The following ATRNL1 variants were observed in gnomAD, a reference collection of about 807,000 sequenced individuals.
ATRNL1 encodes the protein attractin-like protein 1.
In ATRNL1, 95 loss-of-function variants were observed where a neutral mutation model predicts 182.7. The observed-to-expected ratio is 0.52, with a 90% CI of 0.44 to 0.62. ATRNL1 has a LOEUF of 0.62. ATRNL1 is among the 20% of genes least tolerant of loss of function. ATRNL1 has a pLI of 0.00. For missense variants in ATRNL1, 1,471 were observed against 1,679.5 expected (o/e 0.88, Z 2.17); for synonymous variants, 576 against 568.3 (o/e 1.01, Z -0.19).
At chr10:115,297,692 G>A (rs1853272668) in intron 15 of ATRNL1, among the ~76,000 whole-genome samples, 1 of 149,004 alleles carries the variant, frequency 6.7e-6, no homozygotes, top group Non-Finnish European at 1.5e-5. Context: ...CAATGAACAT[G>A]TGAAAATTAG....
intron 27 of ATRNL1, among the ~76,000 whole-genome samples, chr10:115,735,627 A>C (rs1051567204): frequency 1.3e-5 from 2 of 152,230 alleles, no homozygotes; most frequent in Non-Finnish European, 2.9e-5. Context: ...CCATTATTAA[A>C]TAAAATAAGG....
chr10:115,617,252 G>T (rs1315658798), intron 26 of ATRNL1, among the ~76,000 whole-genome samples: 1 of 152,214 alleles, frequency 6.6e-6, no homozygotes. Context: ...AGACTTGCAT[G>T]GGGCCTGTAA....
intron 26 of ATRNL1, among the ~76,000 whole-genome samples, chr10:115,651,525 A>C (rs1319151554): frequency 2.0e-5 from 3 of 152,100 alleles, no homozygotes; most frequent in Non-Finnish European, 4.4e-5. Context: ...TTTAATCACG[A>C]TGTATCTATA....
At chr10:115,601,638 A>G (rs896079132) in intron 26 of ATRNL1, among the ~76,000 whole-genome samples, 1 of 152,188 alleles carries the variant, frequency 6.6e-6, no homozygotes, top group Non-Finnish European at 1.5e-5. Context: ...TATTCGTAGT[A>G]TTAACTCATG....
chr10:115,501,493 C>T (rs776575907), intron 24 of ATRNL1, among the ~76,000 whole-genome samples: 9 of 152,094 alleles, frequency 5.9e-5, no homozygotes, highest in Non-Finnish European at 1.2e-4. Flanking sequence ...TACATCATTC[C>T]TGTTAATGCT....
chr10:115,360,097 A>G (rs1856670226), intron 19 of ATRNL1, among the ~76,000 whole-genome samples: 1 of 151,652 alleles, frequency 6.6e-6, no homozygotes, highest in South Asian at 2.1e-4. Flanking sequence ...TTTTCTTGAC[A>G]AATGGAATAA....
At chr10:115,386,191 G>T (rs956831481) in intron 19 of ATRNL1, among the ~76,000 whole-genome samples, 3 of 151,936 alleles carry the variant, frequency 2.0e-5, no homozygotes, top group Non-Finnish European at 4.4e-5. Context: ...CATGTGCATG[G>T]CATATCTATT....
intron 28 of ATRNL1, among the ~76,000 whole-genome samples, chr10:115,939,027 G>T (rs113398653): frequency 5.7e-4 from 87 of 152,350 alleles, no homozygotes; most frequent in African/African-American, 1.9e-3. Context: ...CACAAAAAAA[G>T]ATGGTAAGTT....
intron 25 of ATRNL1, among the ~76,000 whole-genome samples, chr10:115,535,834 C>T (rs1013595749): frequency 6.6e-5 from 10 of 152,108 alleles, no homozygotes; most frequent in Admixed American, 5.9e-4. Context: ...GCAGATAGGA[C>T]CGTCAGCTGC....
At chr10:115,696,481 C>T (rs72641357) in intron 26 of ATRNL1, among the ~76,000 whole-genome samples, 3,579 of 152,138 alleles carry the variant, frequency 0.024, 128 homozygotes, top group East Asian at 0.19. Context: ...AAAATCAAAA[C>T]AAAACAAAAT....
chr10:115,165,862 A>G (rs533977448), intron 7 of ATRNL1, among the ~76,000 whole-genome samples: 1 of 152,222 alleles, frequency 6.6e-6, no homozygotes, highest in Non-Finnish European at 1.5e-5. Flanking sequence ...ATGAAGATTG[A>G]GTTTTTGTCT....
intron 28 of ATRNL1, among the ~76,000 whole-genome samples, chr10:115,899,159 AGGTGTTCTCATTGTTCAATTCCCATCTAT>A (rs1477034685): frequency 7.9e-5 from 12 of 152,034 alleles, no homozygotes; most frequent in South Asian, 4.2e-4. Context: ...TCCTGTGTCC[AGGTGTTCTCATTGTTCAATTCCCATCTAT>A]GGTGTTCTCA....
intron 27 of ATRNL1, among the ~76,000 whole-genome samples, chr10:115,749,455 T>C (rs190488349): frequency 6.6e-6 from 1 of 152,014 alleles, no homozygotes; most frequent in African/African-American, 2.4e-5. Context: ...GTTTTCATTA[T>C]ATATTAGTAA....
At chr10:115,179,592 C>T (rs1462005893) in intron 8 of ATRNL1, among the ~76,000 whole-genome samples, 1 of 152,022 alleles carries the variant, frequency 6.6e-6, no homozygotes, top group African/African-American at 2.4e-5. Context: ...CCTGTCAGCA[C>T]CCTGGCTGAT....
chr10:115,257,094 G>C (rs545018195), intron 10 of ATRNL1, among the ~76,000 whole-genome samples: 125 of 152,300 alleles, frequency 8.2e-4, no homozygotes, highest in African/African-American at 2.9e-3. Context: ...GTGCTGAGAA[G>C]AATGTATATT....
chr10:115,523,569 GC>G (rs1363065863), intron 25 of ATRNL1, among the ~76,000 whole-genome samples: 2 of 152,188 alleles, frequency 1.3e-5, no homozygotes, highest in Non-Finnish European at 2.9e-5. Flanking sequence ...GCTGTTAAAA[GC>G]AGCCACATTA....
intron 18 of ATRNL1, among the ~76,000 whole-genome samples, chr10:115,315,953 A>G (rs1854280496): frequency 6.6e-6 from 1 of 152,232 alleles, no homozygotes; most frequent in Admixed American, 6.5e-5. Flanking sequence ...AAATGAATTC[A>G]TGGAATATCA....
At chr10:115,752,376 T>C (rs888339947) in intron 27 of ATRNL1, among the ~76,000 whole-genome samples, 7 of 152,170 alleles carry the variant, frequency 4.6e-5, no homozygotes, top group South Asian at 4.1e-4. Flanking sequence ...AACAAATATG[T>C]ACTGAGCCCC....
intron 18 of ATRNL1, among the ~76,000 whole-genome samples, chr10:115,334,067 A>G (rs997285252): frequency 3.9e-5 from 6 of 152,198 alleles, no homozygotes; most frequent in African/African-American, 7.2e-5. Context: ...GGCATTGTAA[A>G]GAGGTTAAGG....
Sources: allele counts gnomAD v4.1 joint callset (sites outside exome capture counted in the v4.1 genomes callset), GRCh38; gene constraint gnomAD v4.1.1; transcripts MANE v1.5; gene names NCBI Gene and HGNC (gene_info 2026-07-23, HGNC 2026-07-21).